IQGAP1: variants seen among roughly 807,000 people sequenced by gnomAD.
The protein encoded by IQGAP1 is ras GTPase-activating-like protein IQGAP1.
Under a neutral mutation model 215.6 loss-of-function variants are expected in IQGAP1, and 66 were observed. The observed-to-expected ratio is 0.31, with a 90% confidence interval of 0.25 to 0.38. The LOEUF is 0.38. IQGAP1 is among the 10% of genes least tolerant of loss of function. IQGAP1 has a pLI of 1.00. For synonymous variants in IQGAP1, 772 were observed against 728.7 expected, an observed-to-expected ratio of 1.06 and a Z score of -0.96; for missense variants, 1,712 against 1,997.1, an observed-to-expected ratio of 0.86 and a Z score of 2.72.
rs549118738 is a variant in IQGAP1 at position 90,408,804 on chromosome 15, T to G, written c.156-17306T>G. Among the ~76,000 whole-genome samples, 4 of 152,244 alleles carry G rather than the reference T, an allele frequency of 2.6e-5. No individual in the cohort carries two copies. The South Asian group carries it at 8.3e-4, about 32-fold the overall frequency. On this transcript the variant is annotated intron_variant, in intron 2 of 37. Coordinates refer to ENST00000268182, the MANE Select transcript of IQGAP1 (RefSeq NM_003870.4). Reference sequence around the variant, plus strand: ...ATCACTTAAAAAATTAATTAATTAATTTTTAGAGAAAGGGTCTTGCTCTCT... The same window carrying G: ...ATCACTTAAAAAATTAATTAATTAAGTTTTAGAGAAAGGGTCTTGCTCTCT...
chr15:90,419,832 C>T (rs977032736), intron 2 of IQGAP1, among the ~76,000 whole-genome samples: 1 of 152,160 alleles, frequency 6.6e-6, no homozygotes, highest in South Asian at 2.1e-4. Flanking sequence ...TACTCCTGTT[C>T]CATTTCAGGC....
intron 33 of IQGAP1, 149 bp downstream of exon 33, chr15:90,487,731 C>T (rs1237616818): frequency 1.4e-5 from 9 of 621,056 alleles, no homozygotes; most frequent in African/African-American, 5.6e-5. Flanking sequence ...AGTTATGGCT[C>T]GTCTGAGAAA....
chr15:90,433,845 T>C (rs774063398), intron 5 of IQGAP1, 50 bp downstream of exon 5: 1 of 1,093,510 alleles, frequency 9.1e-7, no homozygotes, highest in Non-Finnish European at 1.4e-6. Flanking sequence ...AACATCTGAA[T>C]TGAGTGTGTA....
chr15:90,390,036 A>C (rs920891569), intron 1 of IQGAP1, among the ~76,000 whole-genome samples: 9 of 151,972 alleles, frequency 5.9e-5, no homozygotes, highest in Non-Finnish European at 1.0e-4. Context: ...AAGGTATTGA[A>C]AGTAGAGGGA....
At chr15:90,419,289 T>C (rs377420714) in intron 2 of IQGAP1, among the ~76,000 whole-genome samples, 47 of 152,344 alleles carry the variant, frequency 3.1e-4, no homozygotes, top group African/African-American at 1.1e-3. Flanking sequence ...TCAGAGGTTG[T>C]TGCAAAGATT....
chr15:90,443,413 A>G lies in IQGAP1; in HGVS notation c.848A>G (p.Glu283Gly). The G allele has an allele frequency of 1.2e-6, 2 of 1,613,000 alleles. No individual in the cohort carries two copies. Among genetic ancestry groups the G allele is most frequent in the Non-Finnish European group, 1.7e-6 (2 of 1,179,026 alleles). Residue 283 changes from glutamate (E) to glycine (G), a missense_variant, in exon 9 of 38, where the codon GAA becomes GGA. Physicochemically the swap from Glu to Gly is moderately conservative, Grantham distance 98. This residue lies in a region of IQGAP1 where 1,021 missense variants were observed against 1,074.2 expected (regional missense o/e 0.95). Coordinates refer to ENST00000268182, the MANE Select transcript of IQGAP1 (RefSeq NM_003870.4). ...AKNRTENSER[E>G]RDVYEELLTQ... ...CCTCAGACAGAAAACTCAGAGAGAG[A>G]AAGAGATGTTTATGAGGAGCTGCTC...
At chr15:90,464,928 C>G (rs1356853416) in intron 15 of IQGAP1, among the ~76,000 whole-genome samples, 1 of 151,910 alleles carries the variant, frequency 6.6e-6, no homozygotes, top group African/African-American at 2.4e-5. Flanking sequence ...CCATTCAGAG[C>G]AAATGGTCAC....
chr15:90,474,422 C>G (rs1016448308), intron 22 of IQGAP1, 63 bp from the exon 23 acceptor site: 2 of 1,254,758 alleles, frequency 1.6e-6, no homozygotes, highest in African/African-American at 3.0e-5. Flanking sequence ...CAAGACAATG[C>G]TATTTCCTGA....
chr15:90,425,166 T>G (rs8027919), intron 2 of IQGAP1, among the ~76,000 whole-genome samples: 30,125 of 151,824 alleles, frequency 0.2, 3,151 homozygotes, highest in African/African-American at 0.24. Flanking sequence ...AAAAATTAGC[T>G]GGGCATGGTG....
chr15:90,429,976 TAAAG>T (rs1596262600), intron 4 of IQGAP1: 1 of 189,986 alleles, frequency 5.3e-6, no homozygotes. Flanking sequence ...TTCACCATTT[TAAAG>T]AATACCAAAT....
At chr15:90,388,976 C>T (rs922134924) in intron 1 of IQGAP1, among the ~76,000 whole-genome samples, 10 of 152,164 alleles carry the variant, frequency 6.6e-5, no homozygotes, top group Non-Finnish European at 1.5e-4. Flanking sequence ...AATCCTCTGA[C>T]TTCCTCATTT....
At chr15:90,436,780 C>G (rs1965376385) in intron 5 of IQGAP1, among the ~76,000 whole-genome samples, 2 of 152,226 alleles carry the variant, frequency 1.3e-5, no homozygotes. Context: ...GAGGACTTAA[C>G]TGGCCGTTTT....
rs766434737 is a variant in IQGAP1 at position 90,477,049 on chromosome 15, C to T, written c.2941-18C>T. The T allele has an allele frequency of 6.2e-7, 1 of 1,611,676 alleles. No individual in the cohort carries two copies. The highest frequency in any genetic ancestry group is 8.5e-7 in the Non-Finnish European group (1 of 1,178,428). On this transcript the variant is annotated intron_variant, in intron 24 of 37. Coordinates refer to ENST00000268182, the MANE Select transcript of IQGAP1 (RefSeq NM_003870.4). ...TTTATATTACCTACAAATGACTTAT[C>T]CCTTGGTTTTATTTCAGACCAATCC... is the stretch of plus-strand genomic sequence containing the variant.
At chr15:90,421,506 T>A (rs1244888730) in intron 2 of IQGAP1, among the ~76,000 whole-genome samples, 1 of 151,906 alleles carries the variant, frequency 6.6e-6, no homozygotes, top group Admixed American at 6.6e-5. Flanking sequence ...AGATATGGTT[T>A]AGCAGCTCTA....
intron 2 of IQGAP1, among the ~76,000 whole-genome samples, chr15:90,417,236 C>G (rs1965066369): frequency 6.6e-6 from 1 of 152,142 alleles, no homozygotes; most frequent in Non-Finnish European, 1.5e-5. Flanking sequence ...TCAATTTTGG[C>G]TTTTGTTGCC....
Position 90,473,947 on chromosome 15 carries a change from C to T in IQGAP1, c.2485C>T (p.Leu829=), listed in dbSNP as rs1965941678. The part of the protein sequence containing the change: ...HQARKRYRDR[L]QYFRDHINDI... ...AGCTCGAAAGCGCTATCGAGATCGC[C>T]TGCAGTACTTCCGGGACCATGTAAG... Residue 829 remains leucine, a synonymous_variant, in exon 21 of 38, where the codon CTG becomes TTG. Coordinates refer to ENST00000268182, the MANE Select transcript of IQGAP1 (RefSeq NM_003870.4). 1 of 1,614,012 alleles carries T rather than the reference C, an allele frequency of 6.2e-7. No homozygotes were observed. Among genetic ancestry groups the T allele is most frequent in the Non-Finnish European group, 8.5e-7 (1 of 1,179,990 alleles).
intron 11 of IQGAP1, among the ~76,000 whole-genome samples, chr15:90,452,210 A>G (rs1261552743): frequency 1.3e-5 from 2 of 152,210 alleles, no homozygotes; most frequent in Non-Finnish European, 2.9e-5. Context: ...TGTTAGGGAA[A>G]TATCTGGAGG....
intron 2 of IQGAP1, chr15:90,393,932 C>G (rs1029956513): frequency 6.6e-6 from 1 of 152,058 alleles, no homozygotes; most frequent in African/African-American, 2.4e-5. Flanking sequence ...GTCGGGAGTT[C>G]GAGACCAGCC....
At position 90,477,244 on chromosome 15, in the gene IQGAP1, TC is replaced by T. The variant is rs534418926; in HGVS notation, c.3104+16del. 14 of 1,612,896 alleles carry T rather than the reference TC, an allele frequency of 8.7e-6. No individual in the cohort carries two copies. The East Asian group carries it at 2.9e-4, about 33-fold the overall frequency. ...AGAGGAAATCAAGTATGAACAGATT[TC>T]CTCAGGGCACAGGCCCCTTCCCACT... On this transcript the variant is annotated intron_variant, in intron 25 of 37. Transcript: ENST00000268182.
Sources: gnomAD v4.1 joint callset for allele counts (sites outside exome capture counted in the v4.1 genomes callset) on GRCh38, gnomAD v4.1.1 for gene constraint, gnomAD v4.1.1 regional missense constraint, MANE v1.5 for transcripts, NCBI Gene and HGNC (gene_info 2026-07-23, HGNC 2026-07-21) for gene names.